ZFAT: variants seen among roughly 807,000 people sequenced by gnomAD.
ZFAT encodes zinc finger and AT-hook domain containing, also known as zinc finger protein ZFAT.
A neutral mutation model predicts 117.7 loss-of-function variants in ZFAT; 64 were observed. The observed-to-expected ratio is 0.54, with a 90% confidence interval of 0.44 to 0.67. The LOEUF is 0.67. Ranked by LOEUF, ZFAT falls within the 30% of genes least tolerant of loss-of-function variation. The pLI is 0.00. For missense variants in ZFAT, 1,433 were observed against 1,584.5 expected (o/e 0.90, Z 1.62); for synonymous variants, 679 against 615.0 (o/e 1.10, Z -1.54).
the ZFAT span, among the ~76,000 whole-genome samples, chr8:134,771,988 C>T: frequency 1.3e-5 from 2 of 152,150 alleles, no homozygotes; most frequent in Admixed American, 1.3e-4. Context: ...TTATTCATTA[C>T]CAAGAGAATA....
rs1026443108 is a variant in ZFAT, at chr8:134,478,427, G to C, written c.*55C>G. ...CAGGAAGGGTGGCCTCCCCACCCTG[G>C]GTGCCTGCAGAGCCTGGCAGCCCCG... On this transcript the variant is annotated 3_prime_UTR_variant, in exon 16 of 16. Coordinates refer to ENST00000377838, the MANE Select transcript of ZFAT (RefSeq NM_020863.4). The surrounding 1 kb of genome is among the most constrained non-coding windows in gnomAD (Gnocchi z 5.2). 6.5e-7 allele frequency: 1 copy of C among 1,528,324 alleles called. No individual in the cohort carries two copies. Among genetic ancestry groups the C allele is most frequent in the African/African-American group, 1.4e-5 (1 of 72,758 alleles). The allele number at this position is 1,528,324 out of a possible 1,614,324, so 94.7% of individuals were successfully genotyped here.
chr8:134,713,121 C>T (rs765564582), upstream of ZFAT: 3 of 384,776 alleles, frequency 7.8e-6, no homozygotes, highest in East Asian at 3.9e-5. Flanking sequence ...GAGCGCGGCC[C>T]GGCAGGGCCG....
chr8:134,773,984 A>ATTTTTTTTTTTTTTTTTTTTTTTTTTT, the ZFAT span, among the ~76,000 whole-genome samples: 1 of 103,300 alleles, frequency 9.7e-6, no homozygotes, highest in African/African-American at 3.9e-5. Context: ...TTGAGGATTA[A>ATTTTTTTTTTTTTTTTTTTTTTTTTTT]TTTTTTTTTT....
rs1821525119 is a variant in ZFAT at position 134,532,858 on chromosome 8, C to A, written c.3091G>T (p.Ala1031Ser). The A allele has an allele frequency of 6.2e-7, 1 of 1,609,778 alleles. No homozygotes were observed. The highest frequency in any genetic ancestry group is 1.7e-5 in the Admixed American group (1 of 59,508). Reference protein sequence around the residue: ...EYANVGTGELAAEVLIQQGGL... With the variant: ...EYANVGTGELSAEVLIQQGGL... Reference sequence around the variant, plus strand: ...CCTTGCTGGATGAGCACCTCCGCTGCCAGCTCCCCGGTGCCCACGTTGGCA... The same window carrying A: ...CCTTGCTGGATGAGCACCTCCGCTGACAGCTCCCCGGTGCCCACGTTGGCA... The change falls in exon 12 of 16, where the codon GCA (alanine) becomes TCA (serine). Residue 1031 changes from alanine to serine, a missense_variant. Coordinates refer to ENST00000377838, the MANE Select transcript of ZFAT (RefSeq NM_020863.4).
chr8:134,727,652 T>C, the ZFAT span, among the ~76,000 whole-genome samples: 1 of 152,156 alleles, frequency 6.6e-6, no homozygotes, highest in East Asian at 1.9e-4. Flanking sequence ...AGTCACGAGA[T>C]GAGAAACTAA....
chr8:134,771,118 G>A, the ZFAT span, among the ~76,000 whole-genome samples: 11 of 152,064 alleles, frequency 7.2e-5, no homozygotes, highest in South Asian at 6.3e-4. Context: ...ACACCTATTC[G>A]CACACTCCCT....
chr8:134,668,093 TA>T (rs1257670935), intron 1 of ZFAT, among the ~76,000 whole-genome samples: 75 of 152,122 alleles, frequency 4.9e-4, no homozygotes, highest in Non-Finnish European at 5.9e-5. Context: ...CTTGAGTAGG[TA>T]AACATAGCAG....
At chr8:134,600,209 C>T in intron 7 of ZFAT, 1 of 558,600 alleles carries the variant, frequency 1.8e-6, no homozygotes, top group South Asian at 2.3e-5. Context: ...AAAAAATTTG[C>T]ACAGGAAACA....
chr8:134,644,434 ACT>A (rs142130912), intron 2 of ZFAT, among the ~76,000 whole-genome samples: 4,020 of 152,264 alleles, frequency 0.026, 115 homozygotes, highest in Admixed American at 0.091. Context: ...GTGCACACAC[ACT>A]CTCACACACA....
the ZFAT span, among the ~76,000 whole-genome samples, chr8:134,791,701 G>A: frequency 1.4e-4 from 22 of 152,150 alleles, no homozygotes; most frequent in African/African-American, 4.3e-4. Context: ...GCCATAAAAG[G>A]TGAATTGTAA....
the ZFAT span, among the ~76,000 whole-genome samples, chr8:134,819,006 AC>A: frequency 6.6e-6 from 1 of 152,356 alleles, no homozygotes; most frequent in East Asian, 1.9e-4. Flanking sequence ...ATGGATAAAC[AC>A]GTCAAAACTT....
At chr8:134,479,420 A>G (rs1433739877) in intron 15 of ZFAT, among the ~76,000 whole-genome samples, 1 of 152,244 alleles carries the variant, frequency 6.6e-6, no homozygotes, top group African/African-American at 2.4e-5. Context: ...TGAAGCTCCA[A>G]GCTGCCAGAT....
chr8:134,602,663 G>A lies in ZFAT; in HGVS notation c.1056C>T (p.Ile352=). 2 of 1,614,232 alleles carry A rather than the reference G, an allele frequency of 1.2e-6. No homozygotes were observed. Among genetic ancestry groups the A allele is most frequent in the Non-Finnish European group, 1.7e-6 (2 of 1,180,050 alleles). ...TCTTGCAGAAGCGGCAGTGCTGCTT[G>A]ATCTTCTTGTGCACTCGCTCGATGT... ...KVHIERVHKK[I]KQHCRFCKKK... The change falls in exon 6 of 16, where the codon ATC becomes ATT. Residue 352 remains isoleucine (I), a synonymous_variant. Transcript: ENST00000377838.
At chr8:134,701,509 T>C (rs1370497771) in intron 1 of ZFAT, among the ~76,000 whole-genome samples, 3 of 152,244 alleles carry the variant, frequency 2.0e-5, no homozygotes, top group African/African-American at 7.2e-5. Context: ...GCTTTCAATT[T>C]TGGGAAATAT....
chr8:134,565,680 G>T (rs1053294700), intron 10 of ZFAT: 1 of 579,456 alleles, frequency 1.7e-6, no homozygotes, highest in Non-Finnish European at 3.1e-6. Flanking sequence ...AATGACATTC[G>T]ATCAGGCTCC....
chr8:134,621,201 T>G (rs531012545), intron 3 of ZFAT, among the ~76,000 whole-genome samples: 1 of 150,206 alleles, frequency 6.7e-6, no homozygotes, highest in Admixed American at 6.7e-5. Context: ...GGCCCTACCC[T>G]GGGTAAGCCA....
intron 15 of ZFAT, among the ~76,000 whole-genome samples, chr8:134,500,170 AG>A (rs1297030800): frequency 6.6e-6 from 1 of 152,218 alleles, no homozygotes; most frequent in Middle Eastern, 3.2e-3. Context: ...ACAACTTCCC[AG>A]GGTGAAGCTG....
chr8:134,794,864 G>A, the ZFAT span: 1 of 152,222 alleles, frequency 6.6e-6, no homozygotes, highest in Non-Finnish European at 1.5e-5. Flanking sequence ...CATGAGCTTG[G>A]AAGCAAAATA....
chr8:134,570,246 T>C (rs1188485817), intron 10 of ZFAT, among the ~76,000 whole-genome samples: 1 of 152,226 alleles, frequency 6.6e-6, no homozygotes. Context: ...GACCATTCTG[T>C]TTAAAATCAG....
Sources: gnomAD v4.1 joint callset for allele counts (sites outside exome capture counted in the v4.1 genomes callset) on GRCh38, gnomAD v4.1.1 for gene constraint, Gnocchi (gnomAD v3.1) non-coding constraint, MANE v1.5 for transcripts, NCBI Gene and HGNC (gene_info 2026-07-23, HGNC 2026-07-21) for gene names.